NUP214: variants seen among roughly 807,000 people sequenced by gnomAD.
NUP214 encodes nuclear pore complex protein Nup214.
Under a neutral mutation model 196.2 loss-of-function variants are expected in NUP214, and 79 were observed. The ratio of observed to expected loss-of-function variants is 0.40; its 90% confidence interval spans 0.34 to 0.49. The LOEUF is 0.49. NUP214 is among the 20% of genes least tolerant of loss of function. The probability of loss-of-function intolerance (pLI) is 0.58; values close to 1 mark genes in which losing one functional copy is unlikely to be tolerated. For missense variants in NUP214, 2,468 were observed against 2,539.0 expected (o/e 0.97, Z 0.60); for synonymous variants, 1,020 against 990.5 (o/e 1.03, Z -0.56).
chr9:131,205,171 G>A (rs1165759503), intron 30 of NUP214, among the ~76,000 whole-genome samples: 1 of 152,136 alleles, frequency 6.6e-6, no homozygotes, highest in African/African-American at 2.4e-5. Flanking sequence ...AGGAAAATTT[G>A]ACCTCACTAA....
chr9:131,204,205 T>TG (rs1564209314), intron 30 of NUP214, among the ~76,000 whole-genome samples: 1 of 152,310 alleles, frequency 6.6e-6, no homozygotes, highest in East Asian at 1.9e-4. Flanking sequence ...GTAAATCAGC[T>TG]GGGGCTTACA....
Position 131,159,400 on chromosome 9 carries a change from T to G in NUP214, c.2454T>G (p.His818Gln), listed in dbSNP as rs1298402879. 1 of 1,613,772 alleles carries G rather than the reference T, an allele frequency of 6.2e-7. No individual in the cohort carries two copies. Among genetic ancestry groups the G allele is most frequent in the South Asian group, 1.1e-5 (1 of 90,968 alleles). The part of the protein sequence containing the change: ...EAQLQEIRRL[H>Q]QYVKFAVQDV... Reference sequence around the variant, plus strand: ...TCTTATAGGAAATTCGGCGCCTTCATCAGTATGTGAAATTTGCTGTCCAAG... The same window carrying G: ...TCTTATAGGAAATTCGGCGCCTTCAGCAGTATGTGAAATTTGCTGTCCAAG... Residue 818 changes from histidine (H) to glutamine (Q), a missense_variant, in exon 18 of 36, where the codon CAT (histidine) becomes CAG (glutamine). Coordinates refer to ENST00000359428, the MANE Select transcript of NUP214 (RefSeq NM_005085.4).
intron 21 of NUP214, among the ~76,000 whole-genome samples, chr9:131,165,481 G>A (rs561869873): frequency 6.6e-6 from 1 of 152,182 alleles, no homozygotes; most frequent in Non-Finnish European, 1.5e-5. Context: ...AAATGCTGGT[G>A]GTGAAGATAT....
rs896121499 is a variant in NUP214, at chr9:131,198,037, G to C, written c.4543G>C (p.Ala1515Pro). The change falls in exon 29 of 36, where the codon GCC (alanine) becomes CCC (proline). Residue 1515 changes from alanine to proline, a missense_variant. Transcript: ENST00000359428. ...TGACAGTGAGGTCTCAGCATCAGCAGCCTCACTTCTAGAGGAGCAACAGTC... is the reference window on the plus strand; with the variant it reads ...TGACAGTGAGGTCTCAGCATCAGCACCCTCACTTCTAGAGGAGCAACAGTC... Reference protein sequence around the residue: ...PGDSEVSASAASLLEEQQSAQ... With the variant: ...PGDSEVSASAPSLLEEQQSAQ... The C allele has an allele frequency of 3.7e-6, 6 of 1,614,102 alleles. No homozygotes were observed. The African/African-American group carries it at 8.0e-5, about 22-fold the overall frequency.
In NUP214 at chr9:131,163,128, T is replaced by G. The variant is rs758953755; in HGVS notation, c.2678T>G (p.Leu893Arg). The G allele has an allele frequency of 3.3e-5, 53 of 1,614,034 alleles. No individual in the cohort carries two copies. The change falls in exon 19 of 36, where the codon CTG becomes CGG. Residue 893 changes from leucine (L) to arginine (R), a missense_variant. Around this residue, in one of 5 missense-constraint regions of NUP214, gnomAD observed 1,801 missense variants for 1,779.4 expected, o/e 1.01. Transcript: ENST00000359428. ...CTCCGCCTTTACAAACAGACTTCCC[T>G]GTGGAGCCTGTCCTCGGCTGTTCCT... ...QQLRLYKQTSLWSLSSAVPSQ... is the reference protein window; with the variant it reads ...QQLRLYKQTSRWSLSSAVPSQ...
intron 28 of NUP214, among the ~76,000 whole-genome samples, chr9:131,196,023 T>TC (rs758450590): frequency 1.8e-3 from 18 of 10,102 alleles, no homozygotes; most frequent in African/African-American, 3.4e-3. Flanking sequence ...AAACTCTGTG[T>TC]GTCCCCCCCC....
chr9:131,223,723 A>ATTTTTTTTTTTTT (rs1222974193), intron 32 of NUP214, among the ~76,000 whole-genome samples: 1 of 18,980 alleles, frequency 5.3e-5, no homozygotes, highest in Non-Finnish European at 1.2e-4. Flanking sequence ...TTATTTATTT[A>ATTTTTTTTTTTTT]TTTATTTTTT....
chr9:131,201,390 A>G (rs1262190582), intron 29 of NUP214, among the ~76,000 whole-genome samples: 1 of 151,594 alleles, frequency 6.6e-6, no homozygotes, highest in Non-Finnish European at 1.5e-5. Flanking sequence ...TGGGCGACAG[A>G]GCAAGACTCC....
At position 131,198,750 on chromosome 9, in the gene NUP214, C is replaced by T. The variant is rs150507817; in HGVS notation, c.5256C>T (p.Ser1752=). The T allele has an allele frequency of 9.9e-6, 16 of 1,614,106 alleles. No individual in the cohort carries two copies. Among genetic ancestry groups the T allele is most frequent in the South Asian group, 5.5e-5 (5 of 91,090 alleles). Residue 1752 remains serine, a synonymous_variant, in exon 29 of 36, where the codon TCC becomes TCT. Transcript: ENST00000359428. ...VFSFSQPGFS[S]VPAFGQPASS... ...CCTTCAGTCAGCCTGGGTTCAGTTC[C>T]GTGCCTGCCTTCGGTCAGCCTGCTT...
chr9:131,223,664 A>G (rs1443279032), intron 32 of NUP214, among the ~76,000 whole-genome samples: 1 of 146,898 alleles, frequency 6.8e-6, no homozygotes, highest in Non-Finnish European at 1.5e-5. Context: ...TTTAATTTCT[A>G]ATGTGTATGT....
At chr9:131,152,613 G>T (rs1000117692) in intron 17 of NUP214, among the ~76,000 whole-genome samples, 2 of 152,030 alleles carry the variant, frequency 1.3e-5, no homozygotes, top group Admixed American at 1.3e-4. Context: ...GCTCTGCAAG[G>T]TAAGAGTTAC....
intron 21 of NUP214, among the ~76,000 whole-genome samples, chr9:131,166,078 A>G (rs1285768208): frequency 6.6e-6 from 1 of 152,180 alleles, no homozygotes; most frequent in Non-Finnish European, 1.5e-5. Context: ...ATACCAATGA[A>G]CTGTGTACTT....
intron 7 of NUP214, 95 bp downstream of exon 7, chr9:131,133,304 GT>G (rs751108620): frequency 0.11 from 44,737 of 416,030 alleles, 47 homozygotes; most frequent in Middle Eastern, 0.13. Flanking sequence ...TTGTGTTTGT[GT>G]TTTTTTTTTT....
chr9:131,197,693 C>G lies in NUP214; in HGVS notation c.4199C>G (p.Pro1400Arg), dbSNP rs1229877066. ...SSATTTSVAPPAATSTSSTAV... is the reference protein window; with the variant it reads ...SSATTTSVAPRAATSTSSTAV... Reference sequence around the variant, plus strand: ...GCAACCACCACCTCAGTAGCACCACCAGCAGCCACCAGCACTTCCTCAACT... The same window carrying G: ...GCAACCACCACCTCAGTAGCACCACGAGCAGCCACCAGCACTTCCTCAACT... The change falls in exon 29 of 36, where the codon CCA (proline) becomes CGA (arginine). Residue 1400 changes from proline (P) to arginine (R), a missense_variant. Pro to Arg is a moderately radical substitution (Grantham distance 103, BLOSUM62 -2). Coordinates refer to ENST00000359428, the MANE Select transcript of NUP214 (RefSeq NM_005085.4). 3 of 1,614,218 alleles carry G rather than the reference C, an allele frequency of 1.9e-6. No individual in the cohort carries two copies. In the East Asian group the frequency reaches 6.7e-5, roughly 36 times the overall value.
intron 9 of NUP214, chr9:131,136,860 T>C (rs1433491065): frequency 6.6e-6 from 1 of 152,216 alleles, no homozygotes. Context: ...GAAACTTCTT[T>C]TTAAAACTGG....
chr9:131,186,518 A>G (rs116501560), intron 24 of NUP214, among the ~76,000 whole-genome samples: 1,704 of 152,346 alleles, frequency 0.011, 27 homozygotes, highest in African/African-American at 0.039. Context: ...TCCTACAACT[A>G]CTACTGCTAT....
At chr9:131,177,100 T>C (rs746299027) in intron 23 of NUP214, among the ~76,000 whole-genome samples, 2 of 152,192 alleles carry the variant, frequency 1.3e-5, no homozygotes, top group South Asian at 2.1e-4. Context: ...ACAACACTTA[T>C]CAATTTAGAG....
chr9:131,222,972 ATTTG>A (rs750452293), intron 32 of NUP214, 42 bp downstream of exon 32: 23 of 1,585,190 alleles, frequency 1.5e-5, no homozygotes, highest in Non-Finnish European at 2.0e-5. Flanking sequence ...TTATATATGT[ATTTG>A]TTTATGCATA....
chr9:131,173,617 G>A (rs1036912415), intron 21 of NUP214, among the ~76,000 whole-genome samples: 5 of 151,810 alleles, frequency 3.3e-5, no homozygotes, highest in African/African-American at 4.8e-5. Flanking sequence ...ACTCAGGACC[G>A]AGGACATTCT....
Sources: allele counts gnomAD v4.1 joint callset (sites outside exome capture counted in the v4.1 genomes callset), GRCh38; gene constraint gnomAD v4.1.1; regional missense constraint gnomAD v4.1.1; transcripts MANE v1.5; gene names NCBI Gene and HGNC (gene_info 2026-07-23, HGNC 2026-07-21).